Variants in SORCS3 observed in about 807,000 individuals in gnomAD.
The protein encoded by SORCS3 is sortilin related VPS10 domain containing receptor 3.
SORCS3 carries 57 observed loss-of-function variants against 146.3 expected under a neutral mutation model. The ratio of observed to expected loss-of-function variants is 0.39; its 90% CI spans 0.31 to 0.49. SORCS3 has a LOEUF of 0.49. Ranked by LOEUF, SORCS3 falls within the 20% of genes least tolerant of loss-of-function variation. The pLI is 0.92. For synonymous variants in SORCS3, 653 were observed against 618.5 expected (o/e 1.06, Z -0.83); for missense variants, 1,341 against 1,575.5 (o/e 0.85, Z 2.52).
intron 4 of SORCS3, among the ~76,000 whole-genome samples, chr10:105,039,957 C>T (rs1484486899): frequency 6.6e-6 from 1 of 152,090 alleles, no homozygotes; most frequent in Non-Finnish European, 1.5e-5. Context: ...GAGGAAGACA[C>T]AATCATGTTG....
At chr10:104,864,011 CA>C (rs1474489736) in intron 2 of SORCS3, among the ~76,000 whole-genome samples, 1 of 152,120 alleles carries the variant, frequency 6.6e-6, no homozygotes, top group Non-Finnish European at 1.5e-5. Flanking sequence ...AATATGTGCT[CA>C]GGGGCAGTTA....
intron 3 of SORCS3, among the ~76,000 whole-genome samples, chr10:104,942,913 T>C (rs2019335074): frequency 6.6e-6 from 1 of 152,204 alleles, no homozygotes; most frequent in Non-Finnish European, 1.5e-5. Flanking sequence ...CTAACACCTC[T>C]TTTATTCAGC....
chr10:104,869,736 C>G (rs545516344), intron 2 of SORCS3, among the ~76,000 whole-genome samples: 6 of 152,332 alleles, frequency 3.9e-5, no homozygotes, highest in African/African-American at 1.4e-4. Flanking sequence ...TGCGTAATTA[C>G]TACACATATT....
intron 7 of SORCS3, among the ~76,000 whole-genome samples, chr10:105,138,192 AC>A (rs1356893262): frequency 6.6e-6 from 1 of 152,212 alleles, no homozygotes; most frequent in East Asian, 1.9e-4. Context: ...AAGCCTTTGC[AC>A]CAAGTTTTTC....
intron 5 of SORCS3, among the ~76,000 whole-genome samples, chr10:105,063,512 T>C (rs561139920): frequency 2.0e-5 from 3 of 152,348 alleles, no homozygotes; most frequent in South Asian, 4.1e-4. Flanking sequence ...GCAAATTGAA[T>C]CTTGGAAAAC....
intron 7 of SORCS3, among the ~76,000 whole-genome samples, chr10:105,116,303 C>T (rs957948074): frequency 2.0e-5 from 3 of 152,156 alleles, no homozygotes; most frequent in Non-Finnish European, 4.4e-5. Context: ...TGTTCCAGGG[C>T]TGATTTATTC....
Position 104,842,857 on chromosome 10 carries a change from G to A in SORCS3, c.693G>A (p.Trp231Ter), listed in dbSNP as rs866310666. 6.2e-7 allele frequency: 1 copy of A among 1,613,324 alleles called. No homozygotes were observed. Among genetic ancestry groups the A allele is most frequent in the Non-Finnish European group, 8.5e-7 (1 of 1,179,428 alleles). ...GCAGCGTGACTGAGAGTTCACTATG[G>A]AGGTAAGCAGATTAGAGATTCTTAA... ...NLGSVTESSL[W>*]RSTDYGTTYE... Residue 231 changes from tryptophan (W) to a stop codon, truncating the protein, a stop_gained and splice_region_variant, in exon 2 of 27, where the codon TGG becomes TGA. Coordinates refer to ENST00000369701, the MANE Select transcript of SORCS3 (RefSeq NM_014978.3). LOFTEE classifies it high-confidence loss of function.
At chr10:105,047,985 T>C (rs552059125) in intron 5 of SORCS3, among the ~76,000 whole-genome samples, 1 of 152,170 alleles carries the variant, frequency 6.6e-6, no homozygotes, top group Non-Finnish European at 1.5e-5. Context: ...CACAATGAGA[T>C]ACCATCTCAC....
intron 7 of SORCS3, among the ~76,000 whole-genome samples, chr10:105,115,866 T>A (rs1419237501): frequency 6.6e-6 from 1 of 152,188 alleles, no homozygotes; most frequent in East Asian, 1.9e-4. Context: ...AGATTTTGAA[T>A]GTTAAATAAA....
intron 1 of SORCS3, among the ~76,000 whole-genome samples, chr10:104,814,936 C>G (rs762910946): frequency 6.6e-6 from 1 of 152,082 alleles, no homozygotes; most frequent in African/African-American, 2.4e-5. Flanking sequence ...TCTTTATTGT[C>G]AAGTCCTAAC....
intron 4 of SORCS3, among the ~76,000 whole-genome samples, chr10:104,985,065 A>G (rs2054954481): frequency 6.6e-6 from 1 of 152,136 alleles, no homozygotes; most frequent in African/African-American, 2.4e-5. Flanking sequence ...CTGCACTGAC[A>G]ACTCTTCGTT....
chr10:105,153,513 A>G (rs2056182328), intron 9 of SORCS3, among the ~76,000 whole-genome samples: 1 of 152,148 alleles, frequency 6.6e-6, no homozygotes, highest in Non-Finnish European at 1.5e-5. Flanking sequence ...GAAGCCACCA[A>G]ATTATTCCAA....
At chr10:105,243,668 C>T (rs1008930795) in intron 20 of SORCS3, among the ~76,000 whole-genome samples, 4 of 152,186 alleles carry the variant, frequency 2.6e-5, no homozygotes, top group Admixed American at 6.5e-5. Flanking sequence ...AGGAGTATAT[C>T]CCTTTCCATA....
At chr10:104,765,096 C>G (rs1415172690) in intron 1 of SORCS3, among the ~76,000 whole-genome samples, 2 of 152,162 alleles carry the variant, frequency 1.3e-5, no homozygotes, top group Non-Finnish European at 2.9e-5. Context: ...AGCTCTGAGA[C>G]CTCTTTTTAG....
intron 5 of SORCS3, among the ~76,000 whole-genome samples, chr10:105,073,555 T>C (rs1263178614): frequency 1.3e-5 from 2 of 152,144 alleles, no homozygotes; most frequent in African/African-American, 4.8e-5. Context: ...GGCCTTTCCA[T>C]GAGGCTACTG....
chr10:104,736,301 G>A (rs926854810), intron 1 of SORCS3, among the ~76,000 whole-genome samples: 5 of 152,152 alleles, frequency 3.3e-5, no homozygotes, highest in Non-Finnish European at 7.3e-5. Context: ...GGCGGGTTGA[G>A]GGGGGCAGGA....
rs2056551292 is a variant in SORCS3, at chr10:105,197,658, A to G, written c.2010-2341A>G. On this transcript the variant is annotated intron_variant, in intron 14 of 26. Coordinates refer to ENST00000369701, the MANE Select transcript of SORCS3 (RefSeq NM_014978.3). ...TGTGTGTGGAAACTCTTAAGCTGCT[A>G]TTATTATTACTATTAAACCTGAAAA... Among the ~76,000 whole-genome samples the G allele has an allele frequency of 2.6e-5, 4 of 152,196 alleles. No homozygotes were observed. In the South Asian group the frequency reaches 8.3e-4, roughly 32 times the overall value.
Position 104,952,502 on chromosome 10 carries a change from T to G in SORCS3, c.796-24833T>G, listed in dbSNP as rs191664675. On this transcript the variant is annotated intron_variant, in intron 3 of 26. Coordinates refer to ENST00000369701, the MANE Select transcript of SORCS3 (RefSeq NM_014978.3). Reference sequence around the variant, plus strand: ...CATATTAAAGTTTGAAACGCATTACTCGAAATTATGTATTTTCTCTCTGTA... The same window carrying G: ...CATATTAAAGTTTGAAACGCATTACGCGAAATTATGTATTTTCTCTCTGTA... Among the ~76,000 whole-genome samples the G allele has an allele frequency of 1.4e-3, 207 of 152,314 alleles. 1 individual carries two copies. The highest frequency in any genetic ancestry group is 2.1e-3 in the Non-Finnish European group (141 of 68,028).
chr10:104,978,081 A>C (rs1349972047), intron 4 of SORCS3, among the ~76,000 whole-genome samples: 1 of 152,188 alleles, frequency 6.6e-6, no homozygotes, highest in Non-Finnish European at 1.5e-5. Flanking sequence ...TATTCAAAAC[A>C]ACCCTGTGAA....
Sources: gnomAD v4.1 joint callset for allele counts (sites outside exome capture counted in the v4.1 genomes callset) on GRCh38, gnomAD v4.1.1 for gene constraint, MANE v1.5 for transcripts, NCBI Gene and HGNC (gene_info 2026-07-23, HGNC 2026-07-21) for gene names.